The following GRID1 variants were observed in gnomAD, a reference collection of about 807,000 sequenced individuals.
GRID1 encodes glutamate ionotropic receptor delta type subunit 1, also known as glutamate receptor ionotropic, delta-1.
GRID1 carries 28 observed loss-of-function variants against 98.0 expected under a neutral mutation model. That is an observed-to-expected ratio of 0.29 (90% CI 0.21 to 0.39). The LOEUF is 0.39. GRID1 is among the 10% of genes least tolerant of loss of function. The pLI is 1.00. For missense variants in GRID1, 1,111 were observed against 1,340.5 expected (o/e 0.83, Z 2.67); for synonymous variants, 553 against 538.5 (o/e 1.03, Z -0.37).
intron 8 of GRID1, among the ~76,000 whole-genome samples, chr10:85,847,632 G>A (rs74876486): frequency 3.3e-5 from 5 of 151,860 alleles, no homozygotes; most frequent in African/African-American, 4.8e-5. Flanking sequence ...GTAGTAGAAA[G>A]CATTTAGTGG....
chr10:85,690,903 A>G (rs1424794294), intron 12 of GRID1, among the ~76,000 whole-genome samples: 2 of 152,092 alleles, frequency 1.3e-5, no homozygotes, highest in Non-Finnish European at 2.9e-5. Flanking sequence ...ATTGTTCCAG[A>G]GTCTTGGAAT....
At chr10:85,907,111 T>A (rs945949202) in intron 5 of GRID1, among the ~76,000 whole-genome samples, 2 of 152,176 alleles carry the variant, frequency 1.3e-5, no homozygotes, top group Non-Finnish European at 2.9e-5. Context: ...AGTTTTTTTG[T>A]TTGTTTTGTT....
rs1258403186 is a variant in GRID1 at position 85,602,541 on chromosome 10, T to C, written c.2762A>G (p.Gln921Arg). 2.5e-6 allele frequency: 4 copies of C among 1,613,944 alleles called. No homozygotes were observed. Among genetic ancestry groups the C allele is most frequent in the African/African-American group, 1.3e-5 (1 of 74,970 alleles). Residue 921 changes from glutamine (Q) to arginine (R), a missense_variant, in exon 16 of 16, where the codon CAG (glutamine) becomes CGG (arginine). Around this residue, in one of 3 missense-constraint regions of GRID1, gnomAD observed 762 missense variants for 869.1 expected, o/e 0.88. Coordinates refer to ENST00000327946, the MANE Select transcript of GRID1 (RefSeq NM_017551.3). ...TQTLEPTREY[Q>R]NTQLSVSTFL... is the part of the protein sequence containing the mutation. ...GGTGCTGACCGAGAGCTGGGTGTTC[T>C]GGTACTCCCGTGTCGGCTCCAAGGT...
At chr10:85,722,132 A>C (rs1841710299) in intron 12 of GRID1, among the ~76,000 whole-genome samples, 1 of 152,282 alleles carries the variant, frequency 6.6e-6, no homozygotes, top group Non-Finnish European at 1.5e-5. Context: ...TTCAATAGCT[A>C]GTTGAGACCC....
chr10:85,694,409 A>C (rs888428397), intron 12 of GRID1, among the ~76,000 whole-genome samples: 1 of 151,774 alleles, frequency 6.6e-6, no homozygotes, highest in Admixed American at 6.6e-5. Context: ...ATTTGATCCC[A>C]CTACTGAATA....
intron 2 of GRID1, among the ~76,000 whole-genome samples, chr10:86,246,583 C>A (rs1846731317): frequency 6.6e-6 from 1 of 152,200 alleles, no homozygotes; most frequent in South Asian, 2.1e-4. Context: ...GCATTCCCTA[C>A]CATTAACCCG....
At position 85,672,144 on chromosome 10, in the gene GRID1, G is replaced by T. The variant is rs1841093310; in HGVS notation, c.1998-24747C>A. On this transcript the variant is annotated intron_variant, in intron 12 of 15. Coordinates refer to ENST00000327946, the MANE Select transcript of GRID1 (RefSeq NM_017551.3). ...GGCTATACCAAATAACCAATTTTCA[G>T]TGTAGATGCAATGGCCTTCTATTGG... is the stretch of plus-strand genomic sequence containing the variant. 2.6e-5 allele frequency among the ~76,000 whole-genome samples: 4 copies of T among 152,230 alleles called. No individual in the cohort carries two copies. In the South Asian group the frequency reaches 8.3e-4, roughly 31 times the overall value.
chr10:86,268,160 C>T (rs1273804622), intron 2 of GRID1, among the ~76,000 whole-genome samples: 2 of 152,224 alleles, frequency 1.3e-5, no homozygotes, highest in East Asian at 3.8e-4. Flanking sequence ...CTGAAAGTCA[C>T]CACTGATGGG....
intron 6 of GRID1, among the ~76,000 whole-genome samples, chr10:85,863,855 C>T (rs1248131301): frequency 1.3e-5 from 2 of 152,162 alleles, no homozygotes; most frequent in African/African-American, 4.8e-5. Flanking sequence ...ATTTGTTATG[C>T]TCTGGGGCCC....
chr10:86,214,727 G>A (rs2132025278), intron 2 of GRID1, among the ~76,000 whole-genome samples: 1 of 152,232 alleles, frequency 6.6e-6, no homozygotes, highest in African/African-American at 2.4e-5. Context: ...AAATTTACTG[G>A]GCATGGTGGC....
intron 4 of GRID1, among the ~76,000 whole-genome samples, chr10:86,080,440 AGGGGAGGGGAGGGGAGGGG>A (rs1843957592): frequency 7.3e-5 from 1 of 13,628 alleles, no homozygotes; most frequent in Non-Finnish European, 1.1e-4. Context: ...AGGGGAGGGG[AGGGGAGGGGAGGGGAGGGG>A]AGGGGAGGGA....
intron 4 of GRID1, among the ~76,000 whole-genome samples, chr10:85,919,780 G>C (rs1435971055): frequency 6.6e-6 from 1 of 152,242 alleles, no homozygotes; most frequent in Non-Finnish European, 1.5e-5. Flanking sequence ...TCCTGGCTGA[G>C]TGCTCCTGGG....
intron 2 of GRID1, among the ~76,000 whole-genome samples, chr10:86,312,494 A>G (rs1847844233): frequency 6.7e-6 from 1 of 150,012 alleles, no homozygotes; most frequent in African/African-American, 2.4e-5. Flanking sequence ...CAGTGGATTC[A>G]AAAGCCTTGG....
At chr10:85,812,581 G>C (rs1842681316) in intron 8 of GRID1, among the ~76,000 whole-genome samples, 1 of 152,140 alleles carries the variant, frequency 6.6e-6, no homozygotes, top group African/African-American at 2.4e-5. Context: ...CGCTAGGCTG[G>C]TAGGAATCCA....
chr10:85,771,620 A>G (rs549613480), intron 8 of GRID1, among the ~76,000 whole-genome samples: 136 of 152,284 alleles, frequency 8.9e-4, no homozygotes, highest in South Asian at 5.4e-3. Context: ...ATAAAAGGAT[A>G]GAGGAAGATC....
intron 8 of GRID1, among the ~76,000 whole-genome samples, chr10:85,780,869 T>A (rs1257492633): frequency 6.6e-6 from 1 of 152,250 alleles, no homozygotes; most frequent in East Asian, 1.9e-4. Context: ...TCCTGGCACA[T>A]AGTGTTTTAT....
At chr10:85,926,145 G>A (rs1291630019) in intron 4 of GRID1, among the ~76,000 whole-genome samples, 2 of 152,154 alleles carry the variant, frequency 1.3e-5, no homozygotes, top group Admixed American at 1.3e-4. Context: ...AAACTGTCAG[G>A]AAACAAGTCT....
intron 3 of GRID1, among the ~76,000 whole-genome samples, chr10:86,177,956 G>A (rs1374890241): frequency 3.9e-5 from 6 of 152,162 alleles, no homozygotes; most frequent in African/African-American, 1.2e-4. Context: ...GTCCACCACC[G>A]TGAAGAACAT....
chr10:85,703,473 G>A (rs1471322211), intron 12 of GRID1, among the ~76,000 whole-genome samples: 1 of 151,864 alleles, frequency 6.6e-6, no homozygotes, highest in Non-Finnish European at 1.5e-5. Context: ...GAAGAAAAAA[G>A]GAAACATAGT....
Sources: gnomAD v4.1 joint callset for allele counts (sites outside exome capture counted in the v4.1 genomes callset) on GRCh38, gnomAD v4.1.1 for gene constraint, gnomAD v4.1.1 regional missense constraint, MANE v1.5 for transcripts, NCBI Gene and HGNC (gene_info 2026-07-23, HGNC 2026-07-21) for gene names.